Variants in LRRC69 observed in about 807,000 individuals in gnomAD.
LRRC69 encodes the protein leucine-rich repeat-containing protein 69.
A neutral mutation model predicts 37.8 loss-of-function variants in LRRC69; 42 were observed. The ratio of observed to expected loss-of-function variants is 1.11; its 90% confidence interval spans 0.87 to 1.44. The LOEUF (loss-of-function observed/expected upper bound fraction) is 1.44, where lower values mean the gene tolerates loss of function less well. Ranked by LOEUF, LRRC69 falls within the 40% of genes most tolerant of loss-of-function variation. LRRC69 has a pLI of 0.00. For synonymous variants in LRRC69, 141 were observed against 143.1 expected (o/e 0.99, Z 0.11); for missense variants, 357 against 401.9 (o/e 0.89, Z 0.96).
intron 7 of LRRC69, among the ~76,000 whole-genome samples, chr8:91,205,137 C>T (rs547044381): frequency 3.3e-5 from 5 of 151,806 alleles, no homozygotes; most frequent in East Asian, 1.9e-4. Context: ...AGAATAGATT[C>T]GAATTATAAA....
chr8:91,149,677 G>A (rs1169378579), intron 5 of LRRC69, among the ~76,000 whole-genome samples: 2 of 151,896 alleles, frequency 1.3e-5, no homozygotes, highest in East Asian at 1.9e-4. Context: ...ACCTTGGGCA[G>A]TATGGCCATT....
chr8:91,206,277 G>T (rs1260025128), intron 7 of LRRC69, among the ~76,000 whole-genome samples: 4 of 152,268 alleles, frequency 2.6e-5, no homozygotes, highest in African/African-American at 9.6e-5. Context: ...TAAAAGCCCA[G>T]AATCTAGAAC....
At chr8:91,187,786 G>C (rs1411471108) in intron 5 of LRRC69, among the ~76,000 whole-genome samples, 2 of 152,058 alleles carry the variant, frequency 1.3e-5, no homozygotes, top group Non-Finnish European at 2.9e-5. Flanking sequence ...CTTATTCAGG[G>C]GTTCACTTAA....
At chr8:91,197,614 C>A (rs146649084) in intron 6 of LRRC69, among the ~76,000 whole-genome samples, 11 of 151,922 alleles carry the variant, frequency 7.2e-5, no homozygotes, top group Admixed American at 6.5e-4. Context: ...TTCCAGATGC[C>A]GTCCGACACC....
chr8:91,202,714 C>T (rs188911043), intron 7 of LRRC69, among the ~76,000 whole-genome samples: 77 of 152,264 alleles, frequency 5.1e-4, no homozygotes, highest in African/African-American at 1.7e-3. Flanking sequence ...CAAAATACCA[C>T]GTAGTTTACA....
rs536745174 is a variant in LRRC69 at position 91,198,260 on chromosome 8, C to G, written c.754-2353C>G. Among the ~76,000 whole-genome samples, 7 of 152,258 alleles carry G rather than the reference C, an allele frequency of 4.6e-5. No individual in the cohort carries two copies. In the East Asian group the frequency reaches 1.4e-3, roughly 29 times the overall value. The stretch of plus-strand genomic sequence containing the variant: ...TTTTTATGTAATTTAATTCTCCAAA[C>G]TCTTTGTGATAGTATTGGAAAAAAA... On this transcript the variant is annotated intron_variant, in intron 6 of 7. Transcript: ENST00000448384.
chr8:91,191,410 T>C (rs1027240051), intron 6 of LRRC69, among the ~76,000 whole-genome samples: 1 of 152,190 alleles, frequency 6.6e-6, no homozygotes, highest in Admixed American at 6.5e-5. Flanking sequence ...ATGGACAAGG[T>C]ACTGTTCTAA....
Position 91,206,938 on chromosome 8 carries a change from G to C in LRRC69, c.933+6146G>C, listed in dbSNP as rs1159124872. 3 of 954,770 alleles carry C rather than the reference G, an allele frequency of 3.1e-6. No homozygotes were observed. In the African/African-American group the frequency reaches 5.2e-5, roughly 17 times the overall value. The allele number at this position is 954,770 out of a possible 1,614,324, so 59.1% of individuals were successfully genotyped here. Reference sequence around the variant, plus strand: ...CCTGATCCTTAACCAGAGAGTCTGGGCTATGTTTCCTATGCTTTTCCAACC... The same window carrying C: ...CCTGATCCTTAACCAGAGAGTCTGGCCTATGTTTCCTATGCTTTTCCAACC... On this transcript the variant is annotated intron_variant, in intron 7 of 7. Coordinates refer to ENST00000448384, the Ensembl canonical transcript of LRRC69.
intron 1 of LRRC69, among the ~76,000 whole-genome samples, chr8:91,116,450 A>G (rs1373916163): frequency 6.6e-6 from 1 of 152,018 alleles, no homozygotes; most frequent in Non-Finnish European, 1.5e-5. Flanking sequence ...ACATGATAGG[A>G]CAAGGATATT....
intron 7 of LRRC69, chr8:91,206,801 A>T: frequency 1.6e-6 from 2 of 1,289,740 alleles, no homozygotes; most frequent in Non-Finnish European, 2.0e-6. Context: ...AATGTCCAAA[A>T]TAACCCCATG....
intron 4 of LRRC69, 96 bp downstream of exon 4, chr8:91,133,401 G>C: frequency 2.5e-6 from 2 of 812,648 alleles, no homozygotes; most frequent in Non-Finnish European, 3.6e-6. Context: ...CTGAGTATAA[G>C]CCACCACTTG....
At chr8:91,179,713 T>C (rs1034633579) in intron 5 of LRRC69, among the ~76,000 whole-genome samples, 1 of 152,226 alleles carries the variant, frequency 6.6e-6, no homozygotes, top group Non-Finnish European at 1.5e-5. Context: ...GTATGGATAA[T>C]CAAGCATTTA....
At chr8:91,175,159 C>G (rs1247192708) in intron 5 of LRRC69, among the ~76,000 whole-genome samples, 1 of 151,984 alleles carries the variant, frequency 6.6e-6, no homozygotes. Flanking sequence ...TAAAGTTACA[C>G]AGGGAGGAGT....
chr8:91,189,717 A>G, intron 6 of LRRC69, 94 bp downstream of exon 6: 1 of 804,634 alleles, frequency 1.2e-6, no homozygotes, highest in Non-Finnish European at 1.9e-6. Context: ...CCAAGCCAGC[A>G]AATGATTAAT....
In LRRC69 at chr8:91,169,672, CCTA is replaced by C. The variant is rs1563612668; in HGVS notation, c.652-19848_652-19846del. 4.6e-3 allele frequency among the ~76,000 whole-genome samples: 466 copies of C among 101,792 alleles called. 5 individuals are homozygous for C. The highest frequency in any genetic ancestry group is 0.021 in the African/African-American group (426 of 20,232). 66.8% of individuals were successfully genotyped at this position (101,792 alleles called of 152,430 possible). ...ATCTCCCAATGCTATCCCCTCCCCC[CCTA>C]CCCCCACCCCACAACAGTCCCCAGA... On this transcript the variant is annotated intron_variant, in intron 5 of 7. Coordinates refer to ENST00000448384, the Ensembl canonical transcript of LRRC69.
At chr8:91,169,207 T>C (rs1809082018) in intron 5 of LRRC69, among the ~76,000 whole-genome samples, 1 of 151,748 alleles carries the variant, frequency 6.6e-6, no homozygotes, top group Non-Finnish European at 1.5e-5. Context: ...AAACACTGAA[T>C]ACACATGGAC....
At chr8:91,185,363 C>CTGTGTGTGTG (rs35797312) in intron 5 of LRRC69, among the ~76,000 whole-genome samples, 1 of 150,326 alleles carries the variant, frequency 6.7e-6, no homozygotes, top group East Asian at 2.0e-4. Context: ...CTCTCTCTAT[C>CTGTGTGTGTG]TGTGTGTGTG....
At chr8:91,179,022 G>A (rs1203753087) in intron 5 of LRRC69, among the ~76,000 whole-genome samples, 1 of 152,172 alleles carries the variant, frequency 6.6e-6, no homozygotes, top group East Asian at 1.9e-4. Flanking sequence ...TTTATATTCT[G>A]CATCTGTAAA....
intron 5 of LRRC69, among the ~76,000 whole-genome samples, chr8:91,164,349 C>T (rs1041943774): frequency 6.6e-6 from 1 of 151,666 alleles, no homozygotes; most frequent in Non-Finnish European, 1.5e-5. Flanking sequence ...CAGAAAATAG[C>T]TCATTCTTTT....
Sources: allele counts gnomAD v4.1 joint callset (sites outside exome capture counted in the v4.1 genomes callset), GRCh38; gene constraint gnomAD v4.1.1; transcripts MANE v1.5; gene names NCBI Gene and HGNC (gene_info 2026-07-23, HGNC 2026-07-21).